The following SEMA6D variants were observed in gnomAD, a reference collection of about 807,000 sequenced individuals.
SEMA6D encodes the protein semaphorin-6D.
A neutral mutation model predicts 106.6 loss-of-function variants in SEMA6D; 35 were observed. That is an observed-to-expected ratio of 0.33 (90% CI 0.25 to 0.44). The LOEUF (loss-of-function observed/expected upper bound fraction) is 0.44, where lower values mean the gene tolerates loss of function less well. Among genes scored for constraint, SEMA6D ranks in the 20% least tolerant of loss-of-function variants. The pLI is 1.00. For missense variants in SEMA6D, 1,185 were observed against 1,345.9 expected (o/e 0.88, Z 1.87); for synonymous variants, 499 against 487.7 (o/e 1.02, Z -0.31).
At chr15:47,626,957 A>G (rs1442849232) in intron 4 of SEMA6D, among the ~76,000 whole-genome samples, 3 of 152,188 alleles carry the variant, frequency 2.0e-5, no homozygotes, top group Non-Finnish European at 2.9e-5. Flanking sequence ...AGGAACACTA[A>G]CAATAGGGAT....
At chr15:47,693,812 T>C (rs2078641322) in intron 4 of SEMA6D, among the ~76,000 whole-genome samples, 1 of 152,078 alleles carries the variant, frequency 6.6e-6, no homozygotes, top group Non-Finnish European at 1.5e-5. Context: ...GGCTCATTCA[T>C]ACCTGTTGTC....
At chr15:47,259,328 C>T (rs558845668) in intron 1 of SEMA6D, among the ~76,000 whole-genome samples, 2 of 152,194 alleles carry the variant, frequency 1.3e-5, no homozygotes, top group Non-Finnish European at 2.9e-5. Flanking sequence ...GTTATTTTAG[C>T]GAGTCTTTAA....
chr15:47,646,290 C>T (rs1222677996), intron 4 of SEMA6D, among the ~76,000 whole-genome samples: 2 of 152,032 alleles, frequency 1.3e-5, no homozygotes, highest in African/African-American at 2.4e-5. Flanking sequence ...TTTTAGAAGC[C>T]GTATGCCAGG....
At chr15:47,316,328 G>A (rs1012364063) in intron 1 of SEMA6D, among the ~76,000 whole-genome samples, 1 of 151,706 alleles carries the variant, frequency 6.6e-6, no homozygotes, top group Non-Finnish European at 1.5e-5. Flanking sequence ...CTGACCTCAG[G>A]TGATCCACCT....
intron 1 of SEMA6D, among the ~76,000 whole-genome samples, chr15:47,195,117 GT>G (rs202141508): frequency 0.016 from 2,409 of 152,226 alleles, 71 homozygotes; most frequent in African/African-American, 0.054. Context: ...TTAAAAACTT[GT>G]TTAATATTCT....
At chr15:47,461,502 G>A (rs1011315348) in intron 2 of SEMA6D, among the ~76,000 whole-genome samples, 1 of 152,012 alleles carries the variant, frequency 6.6e-6, no homozygotes, top group African/African-American at 2.4e-5. Context: ...CCAAGAATCT[G>A]AGGTTTGTCC....
chr15:47,668,557 A>G (rs1258513908), intron 4 of SEMA6D, among the ~76,000 whole-genome samples: 2 of 152,180 alleles, frequency 1.3e-5, no homozygotes, highest in Non-Finnish European at 2.9e-5. Flanking sequence ...TCTCTGCTGC[A>G]TGTTTCACTT....
At chr15:47,621,822 G>A (rs908634017) in intron 4 of SEMA6D, among the ~76,000 whole-genome samples, 3 of 152,104 alleles carry the variant, frequency 2.0e-5, no homozygotes, top group African/African-American at 4.8e-5. Context: ...TCACAATGTT[G>A]TTATAAAGAG....
At chr15:47,259,449 T>A (rs1370235424) in intron 1 of SEMA6D, among the ~76,000 whole-genome samples, 1 of 152,174 alleles carries the variant, frequency 6.6e-6, no homozygotes, top group African/African-American at 2.4e-5. Context: ...GATATAAAAT[T>A]TATAGTTGAG....
At chr15:47,202,085 A>G (rs914430776) in intron 1 of SEMA6D, among the ~76,000 whole-genome samples, 12 of 152,058 alleles carry the variant, frequency 7.9e-5, no homozygotes, top group African/African-American at 2.7e-4. Context: ...TGTGGTCTGT[A>G]ACAGATTCAG....
rs568875311 is a variant in SEMA6D, at chr15:47,295,216, A to T, written c.-239+110798A>T. On this transcript the variant is annotated intron_variant, in intron 1 of 19. Transcript: ENST00000558014. The stretch of plus-strand genomic sequence containing the variant: ...TATCTTATATGGAAGATATTTGTTT[A>T]TATTTTTTAGTCTTTGTTGTATCTT... Among the ~76,000 whole-genome samples, 6 of 152,348 alleles carry T rather than the reference A, an allele frequency of 3.9e-5. No individual in the cohort carries two copies. The South Asian group carries it at 1.2e-3, about 32-fold the overall frequency.
intron 1 of SEMA6D, among the ~76,000 whole-genome samples, chr15:47,191,323 C>T (rs1212981663): frequency 1.3e-5 from 2 of 152,006 alleles, no homozygotes; most frequent in Admixed American, 1.3e-4. Flanking sequence ...GTATTACTAT[C>T]ATCCTAAAGC....
intron 3 of SEMA6D, among the ~76,000 whole-genome samples, chr15:47,518,927 A>G (rs1260552893): frequency 6.6e-6 from 1 of 152,058 alleles, no homozygotes; most frequent in African/African-American, 2.4e-5. Flanking sequence ...AGTACACTCT[A>G]TAATATAATA....
chr15:47,565,518 C>T lies in SEMA6D; in HGVS notation c.-86-35347C>T, dbSNP rs1285097020. 2.0e-5 allele frequency among the ~76,000 whole-genome samples: 3 copies of T among 152,234 alleles called. No individual in the cohort carries two copies. The East Asian group carries it at 5.8e-4, about 29-fold the overall frequency. On this transcript the variant is annotated intron_variant, in intron 3 of 19. Transcript: ENST00000558014. ...CCTGCAAAGGAGTCAGGGAAATATC[C>T]TTCTTCAATACTATTGAGAATGTTT...
intron 3 of SEMA6D, among the ~76,000 whole-genome samples, chr15:47,542,113 T>C (rs2142231096): frequency 6.6e-6 from 1 of 152,292 alleles, no homozygotes; most frequent in Admixed American, 6.5e-5. Context: ...CAGGTGCACC[T>C]AAGATTCTGG....
At chr15:47,569,481 G>A (rs1429835424) in intron 3 of SEMA6D, among the ~76,000 whole-genome samples, 1 of 152,094 alleles carries the variant, frequency 6.6e-6, no homozygotes, top group African/African-American at 2.4e-5. Flanking sequence ...AACTATGTGG[G>A]GCACAGGACA....
chr15:47,367,692 G>GCGCACACACACACACA (rs1219759915), intron 1 of SEMA6D, among the ~76,000 whole-genome samples: 1 of 73,408 alleles, frequency 1.4e-5, no homozygotes, highest in African/African-American at 4.1e-5. Context: ...GCGCGCGCGC[G>GCGCACACACACACACA]CACACACACA....
At chr15:47,471,979 AAG>A (rs938657172) in intron 3 of SEMA6D, among the ~76,000 whole-genome samples, 1 of 149,814 alleles carries the variant, frequency 6.7e-6, no homozygotes, top group South Asian at 2.1e-4. Flanking sequence ...ACACACGAAA[AAG>A]AGAAAGAGAG....
chr15:47,674,885 A>C (rs555981962), intron 4 of SEMA6D, among the ~76,000 whole-genome samples: 10 of 152,176 alleles, frequency 6.6e-5, no homozygotes, highest in Non-Finnish European at 1.3e-4. Context: ...CAGAAGTGGG[A>C]ATTCCTGTTA....
Sources: allele counts gnomAD v4.1 joint callset (sites outside exome capture counted in the v4.1 genomes callset), GRCh38; gene constraint gnomAD v4.1.1; transcripts MANE v1.5; gene names NCBI Gene and HGNC (gene_info 2026-07-23, HGNC 2026-07-21).